PYY: variants seen among roughly 807,000 people sequenced by gnomAD.
PYY encodes the protein peptide YY.
Under a neutral mutation model 10.3 loss-of-function variants are expected in PYY, and 12 were observed. That is an observed-to-expected ratio of 1.17 (90% CI 0.75 to 1.89). The LOEUF (loss-of-function observed/expected upper bound fraction) is 1.89. Among genes scored for constraint, PYY ranks in the 40% most tolerant of loss-of-function variants. PYY has a pLI of 0.00. For synonymous variants in PYY, 66 were observed against 62.0 expected, an observed-to-expected ratio of 1.06 and a Z score of -0.30; for missense variants, 141 against 134.0, an observed-to-expected ratio of 1.05 and a Z score of -0.26.
intron 1 of PYY, among the ~76,000 whole-genome samples, chr17:43,974,196 T>C (rs751320686): frequency 6.6e-6 from 1 of 152,050 alleles, no homozygotes; most frequent in Non-Finnish European, 1.5e-5. Flanking sequence ...CTTAAAGGTA[T>C]CGTGGGTGTG....
chr17:43,963,568 GGAAA>G (rs1295955821), intron 2 of PYY, among the ~76,000 whole-genome samples: 1 of 82,610 alleles, frequency 1.2e-5, no homozygotes, highest in East Asian at 4.0e-4. Flanking sequence ...AAGGAAGGAA[GGAAA>G]AGAAAGAAAG....
intron 2 of PYY, among the ~76,000 whole-genome samples, chr17:43,965,188 A>G (rs1474947696): frequency 6.6e-6 from 1 of 152,012 alleles, no homozygotes; most frequent in Non-Finnish European, 1.5e-5. Context: ...ACAAATAAAA[A>G]TTGTATATAT....
upstream of PYY, among the ~76,000 whole-genome samples, chr17:43,955,789 TC>T (rs1456744956): frequency 8.6e-5 from 13 of 152,008 alleles, no homozygotes; most frequent in East Asian, 2.5e-3. Flanking sequence ...ATCAAATAAT[TC>T]CATTCCTCCA....
At chr17:43,964,183 G>T (rs1567928193) in intron 2 of PYY, among the ~76,000 whole-genome samples, 1 of 152,124 alleles carries the variant, frequency 6.6e-6, no homozygotes, top group East Asian at 1.9e-4. Context: ...TTTTAATAGT[G>T]TTTTATTCTT....
intron 1 of PYY, among the ~76,000 whole-genome samples, chr17:43,982,493 G>A (rs937257970): frequency 6.6e-6 from 1 of 152,242 alleles, no homozygotes. Flanking sequence ...CTCTTGTGCA[G>A]TGCACAAACT....
chr17:43,995,795 C>CT (rs1205244926), intron 1 of PYY, among the ~76,000 whole-genome samples: 1 of 145,846 alleles, frequency 6.9e-6, no homozygotes, highest in Admixed American at 7.2e-5. Context: ...GATCCAGCCA[C>CT]TGCACTCCAG....
At chr17:43,988,176 A>G (rs1429504931) in intron 1 of PYY, among the ~76,000 whole-genome samples, 1 of 152,212 alleles carries the variant, frequency 6.6e-6, no homozygotes, top group East Asian at 1.9e-4. Context: ...CTGCCTCTTC[A>G]TCCTTCCACC....
intron 1 of PYY, among the ~76,000 whole-genome samples, chr17:43,982,996 C>T (rs2048893217): frequency 6.6e-6 from 1 of 152,096 alleles, no homozygotes; most frequent in Non-Finnish European, 1.5e-5. Flanking sequence ...CTTTGGGAGG[C>T]CAAGGTGGGC....
At chr17:43,991,318 CTAT>C (rs1555619347) in intron 1 of PYY, among the ~76,000 whole-genome samples, 3 of 152,022 alleles carry the variant, frequency 2.0e-5, no homozygotes, top group Non-Finnish European at 4.4e-5. Flanking sequence ...GTAATCCCAC[CTAT>C]TTGGGAAGCT....
intron 1 of PYY, among the ~76,000 whole-genome samples, chr17:43,997,440 A>T (rs1597860584): frequency 6.6e-6 from 1 of 152,210 alleles, no homozygotes; most frequent in East Asian, 1.9e-4. Context: ...GGACACAGCC[A>T]GTGCCAAGGC....
rs147669298 is a variant in PYY at position 43,961,820 on chromosome 17, G to A, written c.-217-3792C>T. On this transcript the variant is annotated intron_variant, in intron 2 of 6. Transcript: ENST00000360085. Reference sequence around the variant, plus strand: ...ATTATAGGCGTGAGCCACCGTGCCCGGCCTGTTTTATTCCATTTTCCCCAA... The same window carrying A: ...ATTATAGGCGTGAGCCACCGTGCCCAGCCTGTTTTATTCCATTTTCCCCAA... Among the ~76,000 whole-genome samples, 557 of 152,114 alleles carry A rather than the reference G, an allele frequency of 3.7e-3. 10 individuals are homozygous for A. The highest frequency in any genetic ancestry group is 0.012 in the African/African-American group (514 of 41,502).
intron 2 of PYY, among the ~76,000 whole-genome samples, chr17:43,965,076 G>A (rs929934381): frequency 2.0e-5 from 3 of 152,178 alleles, no homozygotes; most frequent in Admixed American, 2.0e-4. Context: ...AAACAATGTT[G>A]AAACCAATAG....
chr17:43,980,835 C>T (rs908533944), intron 1 of PYY, among the ~76,000 whole-genome samples: 1 of 152,052 alleles, frequency 6.6e-6, no homozygotes, highest in Admixed American at 6.6e-5. Flanking sequence ...TAAATTCATC[C>T]GTGTTGTTGT....
At chr17:43,977,051 C>T (rs753909738) in intron 1 of PYY, among the ~76,000 whole-genome samples, 1 of 152,172 alleles carries the variant, frequency 6.6e-6, no homozygotes, top group South Asian at 2.1e-4. Flanking sequence ...CCAGTGTTTA[C>T]CTCCACCCTC....
chr17:43,976,214 T>C lies in PYY; in HGVS notation c.-462-9682A>G, dbSNP rs1167212895. On this transcript the variant is annotated intron_variant, in intron 1 of 6. Coordinates refer to the PYY transcript ENST00000360085. The stretch of plus-strand genomic sequence containing the variant: ...ATGTATACATATATACATATACGTA[T>C]ATGTATACATATATACATATGCGTA... Among the ~76,000 whole-genome samples the C allele has an allele frequency of 1.0e-4, 15 of 143,660 alleles. 4 individuals are homozygous for C. Among genetic ancestry groups the C allele is most frequent in the Non-Finnish European group, 1.2e-4 (8 of 66,484 alleles). The allele number at this position is 143,660 out of a possible 152,430, so 94.2% of individuals were successfully genotyped here.
intron 1 of PYY, among the ~76,000 whole-genome samples, chr17:44,002,588 G>A (rs577110022): frequency 9.2e-5 from 14 of 152,340 alleles, no homozygotes; most frequent in African/African-American, 2.9e-4. Flanking sequence ...GACACAGTAT[G>A]AAGTAACATT....
chr17:43,960,746 A>G (rs900605391), intron 2 of PYY, among the ~76,000 whole-genome samples: 6 of 151,226 alleles, frequency 4.0e-5, no homozygotes, highest in Non-Finnish European at 8.8e-5. Context: ...GCTACTCAGG[A>G]GACTGAGGCA....
At chr17:43,985,548 A>ATT in intron 1 of PYY, among the ~76,000 whole-genome samples, 1 of 152,216 alleles carries the variant, frequency 6.6e-6, no homozygotes, top group Non-Finnish European at 1.5e-5. Context: ...CTCACAACAC[A>ATT]GTAACACCCT....
intron 1 of PYY, among the ~76,000 whole-genome samples, chr17:44,002,366 C>A (rs1402809590): frequency 1.3e-5 from 2 of 152,188 alleles, no homozygotes. Context: ...GGAGACAAAA[C>A]CACGTGCAAG....
Sources: gnomAD v4.1 joint callset for allele counts (sites outside exome capture counted in the v4.1 genomes callset) on GRCh38, gnomAD v4.1.1 for gene constraint, MANE v1.5 for transcripts, NCBI Gene and HGNC (gene_info 2026-07-23, HGNC 2026-07-21) for gene names.